Variants in ESR1 observed in about 807,000 individuals in gnomAD.
ESR1 encodes the protein estrogen receptor 1.
ESR1 carries 12 observed loss-of-function variants against 52.7 expected under a neutral mutation model. The observed-to-expected ratio is 0.23, with a 90% confidence interval of 0.15 to 0.37. The LOEUF is 0.37. ESR1 is among the 10% of genes least tolerant of loss of function. The pLI, the probability that ESR1 is intolerant of heterozygous loss-of-function variation, is 1.00. For missense variants in ESR1, 584 were observed against 779.7 expected (o/e 0.75, Z 2.99); for synonymous variants, 305 against 316.8 (o/e 0.96, Z 0.39).
chr6:151,886,352 C>CA (rs1384976933), intron 3 of ESR1, among the ~76,000 whole-genome samples: 4 of 152,104 alleles, frequency 2.6e-5, no homozygotes, highest in Non-Finnish European at 5.9e-5. Flanking sequence ...GTGCAGGACT[C>CA]TTGGACTGAC....
rs139906345 is a variant in ESR1, at chr6:151,818,112, G to A, written c.452+9748G>A. 3.0e-3 allele frequency among the ~76,000 whole-genome samples: 460 copies of A among 152,180 alleles called. 3 individuals are homozygous for A. Among genetic ancestry groups the A allele is most frequent in the South Asian group, 0.016 (78 of 4,818 alleles). On this transcript the variant is annotated intron_variant, in intron 1 of 7. Coordinates refer to ENST00000206249, the MANE Select transcript of ESR1 (RefSeq NM_000125.4). ...TAATGCTTCCCCAGTCCAATTTTGC[G>A]TTGTAGAAGACGAATTTATGGATGA...
At chr6:151,796,325 G>A (rs1776710702) in intron 2 of ESR1, among the ~76,000 whole-genome samples, 1 of 152,076 alleles carries the variant, frequency 6.6e-6, no homozygotes. Context: ...AAAGGGGTGT[G>A]GAAGAATGTG....
chr6:151,970,111 G>A (rs73628447), intron 4 of ESR1, among the ~76,000 whole-genome samples: 5,324 of 152,044 alleles, frequency 0.035, 296 homozygotes, highest in African/African-American at 0.12. Context: ...CCATGGCTCT[G>A]ATGATGATGA....
chr6:151,677,690 T>G (rs1330399021), intron 1 of ESR1, among the ~76,000 whole-genome samples: 1 of 152,232 alleles, frequency 6.6e-6, no homozygotes, highest in Admixed American at 6.5e-5. Flanking sequence ...GGTTGATTGA[T>G]TTTATTTTTC....
Position 152,001,540 on chromosome 6 carries a change from G to T in ESR1, c.1097-10116G>T, listed in dbSNP as rs2041943808. Among the ~76,000 whole-genome samples, 3 of 151,916 alleles carry T rather than the reference G, an allele frequency of 2.0e-5. 1 individual carries two copies. The South Asian group carries it at 6.2e-4, about 32-fold the overall frequency. ...TAAATTTCAGCATGAGTTTTGGTGG[G>T]GACAAACTACATCCCAACTGTAGTA... On this transcript the variant is annotated intron_variant, in intron 4 of 7. Coordinates refer to ENST00000206249, the MANE Select transcript of ESR1 (RefSeq NM_000125.4).
intron 4 of ESR1, among the ~76,000 whole-genome samples, chr6:151,969,727 G>A (rs1424076464): frequency 1.3e-5 from 2 of 152,172 alleles, no homozygotes; most frequent in Admixed American, 1.3e-4. Context: ...TGCTTAGCCT[G>A]TTTCCATTGT....
upstream of ESR1, among the ~76,000 whole-genome samples, chr6:151,802,653 C>T (rs1029007864): frequency 6.6e-6 from 1 of 152,148 alleles, no homozygotes; most frequent in African/African-American, 2.4e-5. Context: ...GACTTTATGG[C>T]CTCAGTTGGC....
chr6:151,857,741 C>T (rs1209783471), intron 2 of ESR1, among the ~76,000 whole-genome samples: 1 of 152,014 alleles, frequency 6.6e-6, no homozygotes, highest in African/African-American at 2.4e-5. Context: ...GTTGGCCATG[C>T]TAGTCTCGAA....
chr6:152,094,618 C>T lies in ESR1; in HGVS notation c.1553+50C>T, dbSNP rs374405626. On this transcript the variant is annotated intron_variant, in intron 7 of 7. Transcript: ENST00000206249. The surrounding 1 kb of genome is among the most constrained non-coding windows in gnomAD (Gnocchi z 4.6). Reference sequence around the variant, plus strand: ...AGGAGAGACATAAAGAAAACATGCCCCCAAACCTATGTGACAGCTGGCCGG... The same window carrying T: ...AGGAGAGACATAAAGAAAACATGCCTCCAAACCTATGTGACAGCTGGCCGG... 41 of 1,569,802 alleles carry T rather than the reference C, an allele frequency of 2.6e-5. No homozygotes were observed. The highest frequency in any genetic ancestry group is 3.3e-5 in the Non-Finnish European group (38 of 1,148,034).
chr6:152,028,037 G>GGGGA (rs2044308797), intron 5 of ESR1, among the ~76,000 whole-genome samples: 1 of 151,996 alleles, frequency 6.6e-6, no homozygotes, highest in Admixed American at 6.5e-5. Flanking sequence ...CCAGCTACTC[G>GGGGA]GGAGGCTGAG....
intron 6 of ESR1, among the ~76,000 whole-genome samples, chr6:152,086,326 A>G (rs1213805587): frequency 6.6e-6 from 1 of 151,650 alleles, no homozygotes; most frequent in Non-Finnish European, 1.5e-5. Flanking sequence ...CCCAAAAGCT[A>G]TTAGGCTATA....
At chr6:151,873,866 C>A (rs1791385644) in intron 2 of ESR1, among the ~76,000 whole-genome samples, 1 of 152,110 alleles carries the variant, frequency 6.6e-6, no homozygotes, top group African/African-American at 2.4e-5. Context: ...ATGTGATAAA[C>A]CATAGTTAAT....
chr6:152,028,483 C>T (rs2044359623), intron 5 of ESR1, among the ~76,000 whole-genome samples: 2 of 152,194 alleles, frequency 1.3e-5, no homozygotes, highest in Non-Finnish European at 2.9e-5. Context: ...GCAAACGGCA[C>T]ACCAGGAGAT....
chr6:151,952,465 A>G (rs1458306713), intron 4 of ESR1, among the ~76,000 whole-genome samples: 1 of 152,008 alleles, frequency 6.6e-6, no homozygotes, highest in African/African-American at 2.4e-5. Context: ...TTATTCCCTG[A>G]ACTCCCTTCT....
chr6:151,862,162 G>T (rs1025099619), intron 2 of ESR1, among the ~76,000 whole-genome samples: 11 of 152,162 alleles, frequency 7.2e-5, no homozygotes, highest in African/African-American at 2.7e-4. Context: ...GAAGCAGTCA[G>T]CATTGTAATT....
At chr6:152,050,320 C>T (rs946699163) in intron 5 of ESR1, among the ~76,000 whole-genome samples, 1 of 152,178 alleles carries the variant, frequency 6.6e-6, no homozygotes, top group Non-Finnish European at 1.5e-5. Context: ...CTCATACCAA[C>T]CATTCTTAAG....
Position 152,122,693 on chromosome 6 carries a change from C to T in ESR1, c.851-2573C>T, listed in dbSNP as rs1252052808. On this transcript the variant is annotated intron_variant, in intron 6 of 6. Coordinates refer to the ESR1 transcript ENST00000427531. ...TTTGTGGACCTGAGAGAAGAATGGA[C>T]ATAAATTACTCAGATAACTCCAGTG... is the stretch of plus-strand genomic sequence containing the variant. The T allele has an allele frequency of 4.3e-6, 7 of 1,613,632 alleles. No individual in the cohort carries two copies. In the South Asian group the frequency reaches 4.4e-5, roughly 10 times the overall value.
intron 1 of ESR1, among the ~76,000 whole-genome samples, chr6:151,684,858 C>T (rs1021849315): frequency 2.0e-5 from 3 of 152,174 alleles, no homozygotes; most frequent in African/African-American, 7.2e-5. Flanking sequence ...CACCCATAGG[C>T]AGGACCCTCT....
At chr6:151,766,257 T>A (rs1785041156) in intron 2 of ESR1, among the ~76,000 whole-genome samples, 1 of 152,040 alleles carries the variant, frequency 6.6e-6, no homozygotes, top group Non-Finnish European at 1.5e-5. Context: ...GATTCAGAGG[T>A]GGATTTCCTG....
Sources: gnomAD v4.1 joint callset for allele counts (sites outside exome capture counted in the v4.1 genomes callset) on GRCh38, gnomAD v4.1.1 for gene constraint, Gnocchi (gnomAD v3.1) non-coding constraint, MANE v1.5 for transcripts, NCBI Gene and HGNC (gene_info 2026-07-23, HGNC 2026-07-21) for gene names.